VSIG4: variants seen among roughly 807,000 people sequenced by gnomAD.
The protein encoded by VSIG4 is V-set and immunoglobulin domain containing 4.
In VSIG4, 34 loss-of-function variants were observed where a neutral mutation model predicts 23.4. That is an observed-to-expected ratio of 1.45 (90% confidence interval 1.10 to 1.93). The LOEUF (loss-of-function observed/expected upper bound fraction) is 1.93, where lower values mean the gene tolerates loss of function less well. Among genes scored for constraint, VSIG4 ranks in the 30% most tolerant of loss-of-function variants. The pLI is 0.00. For missense variants in VSIG4, 433 were observed against 310.8 expected (o/e 1.39, Z -2.96); for synonymous variants, 169 against 120.3 (o/e 1.41, Z -2.65).
In VSIG4 at chrX:66,040,051, C is replaced by T. The variant is rs41305393; in HGVS notation, c.-53G>A. The T allele has an allele frequency of 0.055, 64,899 of 1,179,879 alleles. 1,433 individuals are homozygous for T. The highest frequency in any genetic ancestry group is 0.11 in the African/African-American group (6,096 of 56,672). ...TTCCAGCCTCCTGCTACCAAAGAGG[C>T]TCAAACTTCTGGTGGCCGCCAGCGT... On this transcript the variant is annotated 5_prime_UTR_variant, in exon 1 of 8. Coordinates refer to ENST00000374737, the MANE Select transcript of VSIG4 (RefSeq NM_007268.3).
chrX:66,037,505 TATA>T (rs2085624304), intron 1 of VSIG4, among the ~76,000 whole-genome samples: 1 of 65,761 alleles, frequency 1.5e-5, no homozygotes, highest in African/African-American at 6.4e-5. Flanking sequence ...TAATATATAT[TATA>T]TAATAATAAT....
chrX:66,033,457 C>T lies in VSIG4; in HGVS notation c.412+17G>A. 4 of 1,165,177 alleles carry T rather than the reference C, an allele frequency of 3.4e-6. No homozygotes were observed. The South Asian group carries it at 7.6e-5, about 22-fold the overall frequency. ...TTCATTGATTATCAGTGCTTTCCTA[C>T]CCCCATAGTGACTCACGTTTCTGGA... On this transcript the variant is annotated intron_variant, in intron 2 of 7. Transcript: ENST00000374737.
At chrX:66,039,807 G>T (rs914326269) in intron 1 of VSIG4, 137 bp downstream of exon 1, 1 of 695,184 alleles carries the variant, frequency 1.4e-6, no homozygotes, top group Non-Finnish European at 2.1e-6. Context: ...GCTCAAGGCT[G>T]AGAGAGCCTG....
chrX:66,022,533 G>A lies in VSIG4; in HGVS notation c.963-33C>T, dbSNP rs1025638575. The A allele has an allele frequency of 3.3e-6, 4 of 1,201,909 alleles. No homozygotes were observed. In the African/African-American group the frequency reaches 7.0e-5, roughly 21 times the overall value. ...CCAAGAGCCCACCACCCATAAGAAG[G>A]GACTTGGGGCTGTGGTCCTGGTTTC... On this transcript the variant is annotated intron_variant, in intron 7 of 7. Coordinates refer to ENST00000374737, the MANE Select transcript of VSIG4 (RefSeq NM_007268.3).
chrX:66,026,263 C>T (rs1380988542), intron 5 of VSIG4, among the ~76,000 whole-genome samples: 2 of 111,808 alleles, frequency 1.8e-5, no homozygotes, highest in Admixed American at 9.5e-5. Context: ...TCTAAGATAT[C>T]GTGTCCTAGG....
intron 1 of VSIG4, among the ~76,000 whole-genome samples, chrX:66,038,969 G>A (rs984043361): frequency 9.0e-6 from 1 of 111,512 alleles, no homozygotes; most frequent in Non-Finnish European, 1.9e-5. Flanking sequence ...ATCTCACTTA[G>A]CTGTTACCCA....
chrX:66,032,025 A>G (rs1203542497), intron 3 of VSIG4, among the ~76,000 whole-genome samples: 3 of 112,001 alleles, frequency 2.7e-5, no homozygotes, highest in Admixed American at 1.9e-4. Flanking sequence ...AGAAACAATC[A>G]GACATAGTAG....
chrX:66,022,462 A>C lies in VSIG4; in HGVS notation c.1001T>G (p.Met334Arg). 1 of 1,211,912 alleles carries C rather than the reference A, an allele frequency of 8.3e-7. No individual in the cohort carries two copies. Among genetic ancestry groups the C allele is most frequent in the Non-Finnish European group, 1.1e-6 (1 of 895,524 alleles). ...AREANDSGET[M>R]RVAIFASGCS... ...GCCACTTGCGAAGATGGCCACCCTC[A>C]TGGTTTCTCCAGAGTCGTTGGCCTC... The change falls in exon 8 of 8, where the codon ATG becomes AGG. Residue 334 changes from methionine to arginine, a missense_variant. Met to Arg is a moderately conservative substitution (Grantham distance 91). Transcript: ENST00000374737.
Position 66,021,928 on chromosome X carries a change from G to T in VSIG4, c.*335C>A, listed in dbSNP as rs913341731. On this transcript the variant is annotated 3_prime_UTR_variant, in exon 8 of 8. Transcript: ENST00000374737. ...GCTGGCAGAGCTGAGCCTCCCTCGG[G>T]TCTTCTGGTGGCAAGATGCCAAAGT... 1.0e-5 allele frequency: 6 copies of T among 575,488 alleles called. No homozygotes were observed. Among genetic ancestry groups the T allele is most frequent in the Non-Finnish European group, 1.6e-5 (6 of 376,836 alleles). 47.4% of individuals were successfully genotyped at this position (575,488 alleles called of 1,213,427 possible). A position where few individuals can be genotyped will look rare whatever the true frequency, so the allele number is the denominator to read the frequency against.
Position 66,022,091 on chromosome X carries a change from G to A in VSIG4, c.*172C>T. 1 of 1,168,666 alleles carries A rather than the reference G, an allele frequency of 8.6e-7. No individual in the cohort carries two copies. Among genetic ancestry groups the A allele is most frequent in the East Asian group, 3.2e-5 (1 of 31,005 alleles). ...GCCAAATCCAGCAGCTGGCTTACTT[G>A]AGATGCATCTGGCAAATTCCAGGGC... On this transcript the variant is annotated 3_prime_UTR_variant, in exon 8 of 8. Transcript: ENST00000374737.
chrX:66,036,882 A>C (rs1260528229), intron 1 of VSIG4, among the ~76,000 whole-genome samples: 2 of 39,392 alleles, frequency 5.1e-5, no homozygotes, highest in African/African-American at 2.4e-4. Context: ...ATTATATATT[A>C]TATTATATAT....
intron 1 of VSIG4, among the ~76,000 whole-genome samples, chrX:66,034,269 G>C (rs2085506871): frequency 8.9e-6 from 1 of 112,070 alleles, no homozygotes; most frequent in Non-Finnish European, 1.9e-5. Flanking sequence ...CTAAGCATTT[G>C]GGTCTGGACT....
At position 66,028,073 on chromosome X, in the gene VSIG4, G is replaced by T; in HGVS notation, c.734C>A (p.Thr245Lys). The change falls in exon 4 of 8, where the codon ACA (threonine) becomes AAA (lysine). Residue 245 changes from threonine (T) to lysine (K), a missense_variant. Coordinates refer to ENST00000374737, the MANE Select transcript of VSIG4 (RefSeq NM_007268.3). ...ACCTTTCAAGGGGTATGTCATGGTTGTAGGTGCCTCAGTCTTGGTCTTGAG... is the reference window on the plus strand; with the variant it reads ...ACCTTTCAAGGGGTATGTCATGGTTTTAGGTGCCTCAGTCTTGGTCTTGAG... ...KLLKTKTEAP[T>K]TMTYPLKATS... 1.7e-6 allele frequency: 2 copies of T among 1,211,009 alleles called. No homozygotes were observed. Among genetic ancestry groups the T allele is most frequent in the Non-Finnish European group, 2.2e-6 (2 of 894,957 alleles).
intron 1 of VSIG4, among the ~76,000 whole-genome samples, chrX:66,036,202 T>A (rs772562868): frequency 2.7e-5 from 3 of 110,661 alleles, no homozygotes; most frequent in African/African-American, 9.9e-5. Context: ...CGTTCCTTTT[T>A]TCTTCCTTCT....
At chrX:66,039,124 T>A (rs1391729190) in intron 1 of VSIG4, among the ~76,000 whole-genome samples, 1 of 111,815 alleles carries the variant, frequency 8.9e-6, no homozygotes, top group Non-Finnish European at 1.9e-5. Context: ...CCAGACAAAT[T>A]GAGCCATGTC....
At position 66,021,968 on chromosome X, in the gene VSIG4, A is replaced by T; in HGVS notation, c.*295T>A. 1 of 929,771 alleles carries T rather than the reference A, an allele frequency of 1.1e-6. No homozygotes were observed. Among genetic ancestry groups the T allele is most frequent in the Non-Finnish European group, 1.5e-6 (1 of 674,898 alleles). 76.6% of individuals were successfully genotyped at this position (929,771 alleles called of 1,213,427 possible). ...GATGCCAAAGTTGAATAGTGTCTGT[A>T]GGCATGATGACCAAGTCCTAGTGCT... is the stretch of plus-strand genomic sequence containing the variant. On this transcript the variant is annotated 3_prime_UTR_variant, in exon 8 of 8. Transcript: ENST00000374737.
At chrX:66,026,173 A>AG (rs775560316) in intron 5 of VSIG4, among the ~76,000 whole-genome samples, 15 of 111,589 alleles carry the variant, frequency 1.3e-4, no homozygotes, top group African/African-American at 4.2e-4. Context: ...ATGCTAGGTC[A>AG]GGGGGGATAG....
chrX:66,028,739 A>C (rs2085426974), intron 3 of VSIG4, among the ~76,000 whole-genome samples: 1 of 109,169 alleles, frequency 9.2e-6, no homozygotes, highest in African/African-American at 3.3e-5. Flanking sequence ...TTGAACATAC[A>C]ACCCCATTCC....
chrX:66,036,789 TA>T (rs1214627666), intron 1 of VSIG4, among the ~76,000 whole-genome samples: 3 of 38,440 alleles, frequency 7.8e-5, no homozygotes, highest in Non-Finnish European at 1.1e-4. Flanking sequence ...ATATTATATA[TA>T]ATATAATATA....
Sources: gnomAD v4.1 joint callset for allele counts (sites outside exome capture counted in the v4.1 genomes callset) on GRCh38, gnomAD v4.1.1 for gene constraint, MANE v1.5 for transcripts, NCBI Gene and HGNC (gene_info 2026-07-23, HGNC 2026-07-21) for gene names.